NUBPL: variants seen among roughly 807,000 people sequenced by gnomAD.
NUBPL encodes iron-sulfur cluster transfer protein NUBPL.
In NUBPL, 31 loss-of-function variants were observed where a neutral mutation model predicts 45.7. That is an observed-to-expected ratio of 0.68 (90% CI 0.51 to 0.92). The LOEUF (loss-of-function observed/expected upper bound fraction) is 0.92. NUBPL is among the 40% of genes least tolerant of loss of function. The pLI is 0.00. For synonymous variants in NUBPL, 144 were observed against 140.9 expected, an observed-to-expected ratio of 1.02 and a Z score of -0.15; for missense variants, 401 against 398.7, an observed-to-expected ratio of 1.01 and a Z score of -0.05.
intron 7 of NUBPL, among the ~76,000 whole-genome samples, chr14:31,815,598 A>G (rs1459784886): frequency 6.6e-6 from 1 of 152,130 alleles, no homozygotes; most frequent in Admixed American, 6.5e-5. Flanking sequence ...AAGAGAGGTC[A>G]TCCTTGTCTT....
chr14:31,686,287 G>T (rs1297081437), intron 6 of NUBPL, among the ~76,000 whole-genome samples: 1 of 152,188 alleles, frequency 6.6e-6, no homozygotes, highest in African/African-American at 2.4e-5. Flanking sequence ...GTGGAACACT[G>T]AAGTCCTGGT....
Position 31,846,453 on chromosome 14 carries a change from A to T in NUBPL, c.694-18A>T, listed in dbSNP as rs1164301236. ...TTTGGTTTAATTTTATTTTGATTTC[A>T]GTGTGTTTTTATTCTAGGTCCTTGG... is the stretch of plus-strand genomic sequence containing the variant. On this transcript the variant is annotated intron_variant, in intron 8 of 10. Coordinates refer to ENST00000281081, the MANE Select transcript of NUBPL (RefSeq NM_025152.3). 1.3e-6 allele frequency: 2 copies of T among 1,599,250 alleles called. No individual in the cohort carries two copies. The highest frequency in any genetic ancestry group is 1.7e-6 in the Non-Finnish European group (2 of 1,169,376).
chr14:31,673,016 T>C (rs2036608727), intron 4 of NUBPL, among the ~76,000 whole-genome samples: 1 of 152,212 alleles, frequency 6.6e-6, no homozygotes, highest in African/African-American at 2.4e-5. Context: ...ACAGGGGGAA[T>C]AAGTTCTAGT....
At chr14:31,578,101 G>A (rs2033765979) in intron 3 of NUBPL, 2 of 606,830 alleles carry the variant, frequency 3.3e-6, no homozygotes, top group Non-Finnish European at 5.5e-6. Flanking sequence ...TTTCTAAAAT[G>A]TCCATAATAT....
At chr14:31,817,012 C>G (rs775805918) in intron 7 of NUBPL, among the ~76,000 whole-genome samples, 9 of 151,846 alleles carry the variant, frequency 5.9e-5, no homozygotes, top group Non-Finnish European at 8.8e-5. Context: ...TGAAAAGCAG[C>G]ACGAGAACTT....
intron 8 of NUBPL, among the ~76,000 whole-genome samples, chr14:31,838,279 CAAAAAAAAA>C (rs748313330): frequency 3.5e-4 from 21 of 60,268 alleles, no homozygotes; most frequent in African/African-American, 9.7e-4. Context: ...TAATATCCAG[CAAAAAAAAA>C]AAAAAAAAAA....
At chr14:31,627,765 C>CA (rs34778685) in intron 4 of NUBPL, among the ~76,000 whole-genome samples, 64,708 of 109,248 alleles carry the variant, frequency 0.59, 17,083 homozygotes, top group Middle Eastern at 0.65. Context: ...GACTCTGTCT[C>CA]AAAAAAAAAA....
At chr14:31,625,953 A>G (rs989074282) in intron 4 of NUBPL, among the ~76,000 whole-genome samples, 4 of 152,288 alleles carry the variant, frequency 2.6e-5, no homozygotes, top group Admixed American at 6.5e-5. Context: ...CAAAGAGCAT[A>G]AAGAGAAACA....
At chr14:31,838,798 T>A (rs1367324769) in intron 8 of NUBPL, among the ~76,000 whole-genome samples, 1 of 152,180 alleles carries the variant, frequency 6.6e-6, no homozygotes, top group African/African-American at 2.4e-5. Flanking sequence ...TACTAAGTCT[T>A]CAGTACTTAG....
intron 4 of NUBPL, among the ~76,000 whole-genome samples, chr14:31,617,182 A>G (rs2034926501): frequency 6.6e-6 from 1 of 152,172 alleles, no homozygotes; most frequent in Admixed American, 6.5e-5. Context: ...GGCTGAGATG[A>G]TGGGGCTTTC....
chr14:31,618,032 T>C (rs931899251), intron 4 of NUBPL, among the ~76,000 whole-genome samples: 1 of 152,236 alleles, frequency 6.6e-6, no homozygotes, highest in African/African-American at 2.4e-5. Flanking sequence ...AATTTATCCA[T>C]TTCTTCTAGA....
intron 7 of NUBPL, among the ~76,000 whole-genome samples, chr14:31,793,999 C>T (rs1418166978): frequency 6.5e-5 from 6 of 92,284 alleles, no homozygotes; most frequent in South Asian, 4.6e-4. Context: ...TTTGTTCTTG[C>T]GATAGTTTAC....
chr14:31,651,117 C>T (rs936663391), intron 4 of NUBPL, among the ~76,000 whole-genome samples: 4 of 152,214 alleles, frequency 2.6e-5, no homozygotes, highest in Non-Finnish European at 1.5e-5. Context: ...ATAGCAGATA[C>T]TGTTCCACGT....
chr14:31,672,218 TAAGTA>T (rs1429997374), intron 4 of NUBPL, among the ~76,000 whole-genome samples: 1 of 151,742 alleles, frequency 6.6e-6, no homozygotes, highest in Admixed American at 6.6e-5. Flanking sequence ...CTTTTTAAGC[TAAGTA>T]AAGGAACAAA....
chr14:31,618,071 T>C (rs141491290), intron 4 of NUBPL, among the ~76,000 whole-genome samples: 9,663 of 152,316 alleles, frequency 0.063, 414 homozygotes, highest in Non-Finnish European at 0.092. Flanking sequence ...TAGAGGTGTT[T>C]ATAGTATTCT....
intron 6 of NUBPL, among the ~76,000 whole-genome samples, chr14:31,716,760 C>T: frequency 6.6e-6 from 1 of 152,152 alleles, no homozygotes; most frequent in East Asian, 1.9e-4. Flanking sequence ...GATTAGAATT[C>T]ATCACTCATC....
chr14:31,633,748 A>G (rs1303711695), intron 4 of NUBPL, among the ~76,000 whole-genome samples: 3 of 152,132 alleles, frequency 2.0e-5, no homozygotes, highest in Non-Finnish European at 2.9e-5. Context: ...TAACTTTCAC[A>G]TATTATTCCT....
At chr14:31,687,895 A>G (rs1431315982) in intron 6 of NUBPL, among the ~76,000 whole-genome samples, 1 of 152,220 alleles carries the variant, frequency 6.6e-6, no homozygotes, top group Non-Finnish European at 1.5e-5. Context: ...CCATTTCAAG[A>G]TAAATGAATC....
chr14:31,857,313 G>C (rs769155719), intron 10 of NUBPL, among the ~76,000 whole-genome samples: 1 of 152,030 alleles, frequency 6.6e-6, no homozygotes, highest in Non-Finnish European at 1.5e-5. Flanking sequence ...GGGGACTCTG[G>C]GCCCAGCCCA....
Sources: gnomAD v4.1 joint callset for allele counts (sites outside exome capture counted in the v4.1 genomes callset) on GRCh38, gnomAD v4.1.1 for gene constraint, MANE v1.5 for transcripts, NCBI Gene and HGNC (gene_info 2026-07-23, HGNC 2026-07-21) for gene names.